The following MYCBP variants were observed in gnomAD, a reference collection of about 807,000 sequenced individuals.
MYCBP encodes MYC binding protein.
In MYCBP, 5 loss-of-function variants were observed where a neutral mutation model predicts 16.8. That is an observed-to-expected ratio of 0.30 (90% confidence interval 0.16 to 0.63). The LOEUF is 0.63. Among genes scored for constraint, MYCBP ranks in the 20% least tolerant of loss-of-function variants. MYCBP has a pLI of 0.83. For synonymous variants in MYCBP, 35 were observed against 43.7 expected (o/e 0.80, Z 0.79); for missense variants, 103 against 121.8 (o/e 0.85, Z 0.73).
Position 38,863,481 on chromosome 1 carries a change from G to A in MYCBP, c.*1189C>T, listed in dbSNP as rs1192521074. 2 of 152,200 alleles carry A rather than the reference G, an allele frequency of 1.3e-5. No homozygotes were observed. The highest frequency in any genetic ancestry group is 4.8e-5 in the African/African-American group (2 of 41,428). The allele number at this position is 152,200 out of a possible 1,614,324, so 9.4% of individuals were successfully genotyped here. On this transcript the variant is annotated 3_prime_UTR_variant, in exon 5 of 5. Coordinates refer to ENST00000397572, the MANE Select transcript of MYCBP (RefSeq NM_012333.5). Reference sequence around the variant, plus strand: ...CTGACTGTAGGTCTACCCAAAGAAAGGAAAAAGGACTAACAAACAAGAATA... The same window carrying A: ...CTGACTGTAGGTCTACCCAAAGAAAAGAAAAAGGACTAACAAACAAGAATA...
At chr1:38,865,237 G>A (rs886750007) in intron 4 of MYCBP, among the ~76,000 whole-genome samples, 4 of 152,198 alleles carry the variant, frequency 2.6e-5, no homozygotes, top group African/African-American at 9.6e-5. Context: ...GTGGTTCCTT[G>A]CAAGAACACT....
chr1:38,867,761 C>T, intron 2 of MYCBP, 151 bp from the exon 3 acceptor site: 1 of 679,340 alleles, frequency 1.5e-6, no homozygotes, highest in Non-Finnish European at 2.6e-6. Flanking sequence ...GACAAGGTCC[C>T]TGTTCTCAAC....
chr1:38,872,480 C>T (rs1352518944), intron 2 of MYCBP: 1 of 153,400 alleles, frequency 6.5e-6, no homozygotes, highest in Non-Finnish European at 1.5e-5. Context: ...TGTAATTCTA[C>T]TTTATGAAAT....
At chr1:38,865,248 A>C (rs955356283) in intron 4 of MYCBP, among the ~76,000 whole-genome samples, 41 of 152,358 alleles carry the variant, frequency 2.7e-4, no homozygotes, top group African/African-American at 9.4e-4. Context: ...CAAGAACACT[A>C]GGCTAACATT....
chr1:38,862,646 G>A lies in MYCBP; in HGVS notation c.*2024C>T, dbSNP rs1164211950. Among the ~76,000 whole-genome samples, 1 of 152,152 alleles carries A rather than the reference G, an allele frequency of 6.6e-6. No homozygotes were observed. The highest frequency in any genetic ancestry group is 1.5e-5 in the Non-Finnish European group (1 of 68,022). ...CATTTTCTCTTCCATGGAGCATCTT[G>A]TTGTATTCATCCAAATCCTTGACAG... On this transcript the variant is annotated 3_prime_UTR_variant, in exon 5 of 5. Coordinates refer to ENST00000397572, the MANE Select transcript of MYCBP (RefSeq NM_012333.5).
At chr1:38,864,917 C>A (rs1253168937) in intron 4 of MYCBP, among the ~76,000 whole-genome samples, 2 of 152,090 alleles carry the variant, frequency 1.3e-5, no homozygotes, top group Non-Finnish European at 2.9e-5. Context: ...TTATATAAAC[C>A]TTTAAAATTG....
chr1:38,865,032 C>A (rs1642307949), intron 4 of MYCBP, among the ~76,000 whole-genome samples: 1 of 152,190 alleles, frequency 6.6e-6, no homozygotes, highest in Non-Finnish European at 1.5e-5. Flanking sequence ...AAGGAACTTT[C>A]TTCCTCTCCA....
At chr1:38,873,222 C>G (rs534851386) in intron 1 of MYCBP, 69 bp downstream of exon 1, 5 of 1,584,058 alleles carry the variant, frequency 3.2e-6, no homozygotes, top group Non-Finnish European at 4.3e-6. Flanking sequence ...CGCGACCCCA[C>G]TCCCACCCAG....
intron 4 of MYCBP, among the ~76,000 whole-genome samples, chr1:38,866,650 C>T (rs9439077): frequency 0.36 from 54,377 of 150,476 alleles, 10,869 homozygotes; most frequent in Middle Eastern, 0.46. Context: ...CTCTTGACCT[C>T]GTGATCTACC....
intron 2 of MYCBP, among the ~76,000 whole-genome samples, chr1:38,868,693 C>T (rs776049749): frequency 6.6e-6 from 1 of 152,112 alleles, no homozygotes; most frequent in South Asian, 2.1e-4. Context: ...ATCACGAAGT[C>T]AGGAGATCAA....
rs1174106203 is a variant in MYCBP at position 38,864,067 on chromosome 1, T to C, written c.*603A>G. On this transcript the variant is annotated 3_prime_UTR_variant, in exon 5 of 5. Transcript: ENST00000397572. ...CCCACTAAAGCTCAGAGGAAAGCAA[T>C]GCAAGATTATCAGACAGGCATGATT... 1 of 153,122 alleles carries C rather than the reference T, an allele frequency of 6.5e-6. No homozygotes were observed. Among genetic ancestry groups the C allele is most frequent in the Non-Finnish European group, 1.5e-5 (1 of 68,446 alleles). 9.5% of individuals were successfully genotyped at this position (153,122 alleles called of 1,614,324 possible).
rs181447232 is a variant in MYCBP at position 38,864,427 on chromosome 1, A to G, written c.*243T>C. On this transcript the variant is annotated 3_prime_UTR_variant, in exon 5 of 5. Coordinates refer to ENST00000397572, the MANE Select transcript of MYCBP (RefSeq NM_012333.5). ...AATAAACAGAATGTCTTTTAAGGTA[A>G]TGAGTTAGATGGCTGTGTTTAGGTT... 12 of 531,944 alleles carry G rather than the reference A, an allele frequency of 2.3e-5. No homozygotes were observed. The highest frequency in any genetic ancestry group is 5.7e-5 in the African/African-American group (3 of 52,334). The allele number at this position is 531,944 out of a possible 1,614,324, so 33.0% of individuals were successfully genotyped here.
chr1:38,866,079 AT>A (rs1362957686), intron 4 of MYCBP, among the ~76,000 whole-genome samples: 5 of 81,300 alleles, frequency 6.2e-5, no homozygotes, highest in Non-Finnish European at 1.1e-4. Flanking sequence ...ACAGAGTTTC[AT>A]TCTTGTTGCC....
chr1:38,869,746 T>A (rs982142393), intron 2 of MYCBP, among the ~76,000 whole-genome samples: 1 of 151,974 alleles, frequency 6.6e-6, no homozygotes, highest in Non-Finnish European at 1.5e-5. Context: ...ATCTTGGAAA[T>A]AAGCTGTAAA....
At position 38,864,567 on chromosome 1, in the gene MYCBP, T is replaced by G; in HGVS notation, c.*103A>C. 1.7e-6 allele frequency: 2 copies of G among 1,170,184 alleles called. No homozygotes were observed. Among genetic ancestry groups the G allele is most frequent in the Non-Finnish European group, 2.5e-6 (2 of 789,900 alleles). The allele number at this position is 1,170,184 out of a possible 1,614,324, so 72.5% of individuals were successfully genotyped here. ...GAGTGTGATAGGTGAATTAAACATA[T>G]TAAAAGAGTTCTATAGCATCTGTTC... On this transcript the variant is annotated 3_prime_UTR_variant, in exon 5 of 5. Coordinates refer to ENST00000397572, the MANE Select transcript of MYCBP (RefSeq NM_012333.5).
chr1:38,866,773 T>A (rs1052063561), intron 4 of MYCBP, 107 bp downstream of exon 4: 6 of 939,530 alleles, frequency 6.4e-6, no homozygotes, highest in African/African-American at 1.7e-5. Flanking sequence ...TTAATTCAAA[T>A]TGATATTCAC....
intron 2 of MYCBP, among the ~76,000 whole-genome samples, chr1:38,868,325 G>A (rs1270707914): frequency 6.6e-6 from 1 of 152,226 alleles, no homozygotes; most frequent in Non-Finnish European, 1.5e-5. Context: ...ATTACCGGAA[G>A]AAGCTCTGAA....
At chr1:38,867,144 T>A in intron 3 of MYCBP, 135 bp from the exon 4 acceptor site, 1 of 894,804 alleles carries the variant, frequency 1.1e-6, no homozygotes, top group Non-Finnish European at 1.7e-6. Context: ...ATCCAAAAAC[T>A]CAAGTGAAAC....
At chr1:38,869,643 G>A (rs1397437450) in intron 2 of MYCBP, among the ~76,000 whole-genome samples, 3 of 152,098 alleles carry the variant, frequency 2.0e-5, no homozygotes, top group Admixed American at 6.5e-5. Context: ...TTGATATAGC[G>A]CTCAAAATAG....
Sources: allele counts gnomAD v4.1 joint callset (sites outside exome capture counted in the v4.1 genomes callset), GRCh38; gene constraint gnomAD v4.1.1; transcripts MANE v1.5; gene names NCBI Gene and HGNC (gene_info 2026-07-23, HGNC 2026-07-21).